The following SLC44A5 variants were observed in gnomAD, a reference collection of about 807,000 sequenced individuals.
SLC44A5 encodes choline transporter-like protein 5.
SLC44A5 carries 57 observed loss-of-function variants against 101.8 expected under a neutral mutation model. The ratio of observed to expected loss-of-function variants is 0.56; its 90% CI spans 0.45 to 0.70. The LOEUF is 0.70. SLC44A5 is among the 30% of genes least tolerant of loss of function. The pLI, the probability that SLC44A5 is intolerant of heterozygous loss-of-function variation, is 0.00. For synonymous variants in SLC44A5, 281 were observed against 290.9 expected, an observed-to-expected ratio of 0.97 and a Z score of 0.35; for missense variants, 737 against 853.1, an observed-to-expected ratio of 0.86 and a Z score of 1.70.
At chr1:75,516,589 CTT>C (rs1173702487) in intron 2 of SLC44A5, among the ~76,000 whole-genome samples, 1 of 152,090 alleles carries the variant, frequency 6.6e-6, no homozygotes, top group African/African-American at 2.4e-5. Flanking sequence ...AGGTTTAAGA[CTT>C]TGTTCATTTA....
intron 2 of SLC44A5, among the ~76,000 whole-genome samples, chr1:75,411,627 C>T (rs1368143533): frequency 1.3e-5 from 2 of 151,868 alleles, no homozygotes; most frequent in Admixed American, 6.6e-5. Context: ...GCCAAATCAC[C>T]ACGTACAGAG....
At chr1:75,461,797 T>C (rs1666515096) in intron 2 of SLC44A5, among the ~76,000 whole-genome samples, 1 of 152,182 alleles carries the variant, frequency 6.6e-6, no homozygotes, top group Non-Finnish European at 1.5e-5. Context: ...GTACTCCTCA[T>C]GGCCTGGAGT....
intron 2 of SLC44A5, among the ~76,000 whole-genome samples, chr1:75,502,896 G>A (rs1570464914): frequency 1.3e-5 from 2 of 152,060 alleles, no homozygotes; most frequent in East Asian, 3.9e-4. Flanking sequence ...GCTCCGCCTT[G>A]CTGAGCTAGC....
intron 3 of SLC44A5, among the ~76,000 whole-genome samples, chr1:75,365,058 T>C (rs1166112706): frequency 6.6e-6 from 1 of 152,200 alleles, no homozygotes; most frequent in Admixed American, 6.5e-5. Context: ...ATTTTGTTCA[T>C]TGTTTTATGA....
intron 2 of SLC44A5, among the ~76,000 whole-genome samples, chr1:75,439,003 C>T (rs1665042250): frequency 2.0e-5 from 3 of 152,108 alleles, no homozygotes; most frequent in African/African-American, 7.2e-5. Context: ...TTAAATGTTC[C>T]CCCAAAGTTC....
At position 75,218,518 on chromosome 1, in the gene SLC44A5, G is replaced by T. The variant is rs755639803; in HGVS notation, c.1501C>A (p.Leu501Ile). 5.6e-6 allele frequency: 9 copies of T among 1,613,616 alleles called. No individual in the cohort carries two copies. ...ATGGCTCGTCCAAATGCAGTAAAAA[G>T]TGGATATCGTGGGATGTCATCAGGT... ...KKPDDIPRYP[L>I]FTAFGRAIRY... is the part of the protein sequence containing the mutation. The change falls in exon 17 of 24, where the codon CTT (leucine) becomes ATT (isoleucine). Residue 501 changes from leucine (L) to isoleucine (I), a missense_variant. Transcript: ENST00000370859.
chr1:75,233,881 T>A, intron 12 of SLC44A5, 105 bp downstream of exon 12: 1 of 820,394 alleles, frequency 1.2e-6, no homozygotes, highest in Non-Finnish European at 2.0e-6. Flanking sequence ...GGGTAAAGAA[T>A]AATTAGATCC....
chr1:75,525,398 A>G (rs541445449), intron 2 of SLC44A5, among the ~76,000 whole-genome samples: 1 of 152,332 alleles, frequency 6.6e-6, no homozygotes, highest in East Asian at 1.9e-4. Flanking sequence ...AATCTAATTA[A>G]GCCATTAGAC....
intron 3 of SLC44A5, among the ~76,000 whole-genome samples, chr1:75,376,725 G>A (rs1660647494): frequency 6.6e-6 from 1 of 152,074 alleles, no homozygotes; most frequent in Non-Finnish European, 1.5e-5. Context: ...CCACAAAGAT[G>A]GGGAAAAAAC....
chr1:75,525,679 T>C (rs1570525471), intron 2 of SLC44A5, among the ~76,000 whole-genome samples: 1 of 152,176 alleles, frequency 6.6e-6, no homozygotes, highest in Non-Finnish European at 1.5e-5. Context: ...AATTTGAATA[T>C]AAATTGAATA....
intron 1 of SLC44A5, among the ~76,000 whole-genome samples, chr1:75,597,348 C>T (rs1193439095): frequency 6.6e-6 from 1 of 152,018 alleles, no homozygotes. Flanking sequence ...CAGAAAGAAT[C>T]AATATTGTTA....
chr1:75,471,877 CT>C (rs11284318), intron 2 of SLC44A5, among the ~76,000 whole-genome samples: 40,154 of 151,146 alleles, frequency 0.27, 6,270 homozygotes, highest in East Asian at 0.8. Flanking sequence ...ACCACTAAGG[CT>C]TTTTTTTCTC....
At chr1:75,250,305 A>G (rs1282617065) in intron 7 of SLC44A5, among the ~76,000 whole-genome samples, 8 of 152,150 alleles carry the variant, frequency 5.3e-5, no homozygotes, top group African/African-American at 1.7e-4. Flanking sequence ...CACCAGCTCC[A>G]TCCATGTCTC....
At chr1:75,518,935 C>T (rs371413503) in intron 2 of SLC44A5, among the ~76,000 whole-genome samples, 7 of 152,150 alleles carry the variant, frequency 4.6e-5, no homozygotes, top group South Asian at 4.1e-4. Flanking sequence ...GTGATGGTTT[C>T]ACAACTCTGT....
At chr1:75,559,978 A>G (rs1448118593) in intron 1 of SLC44A5, among the ~76,000 whole-genome samples, 1 of 152,142 alleles carries the variant, frequency 6.6e-6, no homozygotes, top group African/African-American at 2.4e-5. Context: ...CAAAAACCAC[A>G]CTGAGATATC....
the SLC44A5 span, among the ~76,000 whole-genome samples, chr1:75,635,721 TG>T: frequency 6.6e-6 from 1 of 150,834 alleles, no homozygotes; most frequent in African/African-American, 2.4e-5. Context: ...GACGAGTTAA[TG>T]GGTGCATCAC....
At chr1:75,492,673 A>G (rs538864579) in intron 2 of SLC44A5, among the ~76,000 whole-genome samples, 11 of 152,364 alleles carry the variant, frequency 7.2e-5, no homozygotes, top group African/African-American at 2.4e-4. Context: ...AAAGGCAAAG[A>G]TAAAGATATA....
rs368284343 is a variant in SLC44A5, at chr1:75,392,276, A to C, written c.52+4307T>G. ...AATATTAATAGCAAACTATGCACCC[A>C]ACAAAGGTCTAATATCCAGAATCTA... On this transcript the variant is annotated intron_variant, in intron 3 of 23. Coordinates refer to ENST00000370859, the MANE Select transcript of SLC44A5 (RefSeq NM_001130058.2). 1.1e-4 allele frequency among the ~76,000 whole-genome samples: 16 copies of C among 152,312 alleles called. No individual in the cohort carries two copies. In the South Asian group the frequency reaches 3.1e-3, roughly 30 times the overall value.
chr1:75,222,580 T>C (rs1452855674), intron 13 of SLC44A5, 120 bp from the exon 14 acceptor site: 2 of 605,484 alleles, frequency 3.3e-6, no homozygotes, highest in Non-Finnish European at 5.9e-6. Flanking sequence ...CCTCATAATC[T>C]AAGAAGTGTT....
Sources: gnomAD v4.1 joint callset for allele counts (sites outside exome capture counted in the v4.1 genomes callset) on GRCh38, gnomAD v4.1.1 for gene constraint, MANE v1.5 for transcripts, NCBI Gene and HGNC (gene_info 2026-07-23, HGNC 2026-07-21) for gene names.